Variants in ZFAND3 observed in about 807,000 individuals in gnomAD.
ZFAND3 encodes the protein zinc finger AN1-type containing 3.
ZFAND3 carries 10 observed loss-of-function variants against 29.6 expected under a neutral mutation model. The ratio of observed to expected loss-of-function variants is 0.34; its 90% CI spans 0.21 to 0.57. The LOEUF (loss-of-function observed/expected upper bound fraction) is 0.57, where lower values mean the gene tolerates loss of function less well. Among genes scored for constraint, ZFAND3 ranks in the 20% least tolerant of loss-of-function variants. The probability of loss-of-function intolerance (pLI) is 0.86; values close to 1 mark genes in which losing one functional copy is unlikely to be tolerated. For synonymous variants in ZFAND3, 128 were observed against 112.6 expected, an observed-to-expected ratio of 1.14 and a Z score of -0.87; for missense variants, 230 against 304.5, an observed-to-expected ratio of 0.76 and a Z score of 1.82.
Position 37,963,236 on chromosome 6 carries a change from A to G in ZFAND3, c.112+33237A>G, listed in dbSNP as rs918119871. Among the ~76,000 whole-genome samples the G allele has an allele frequency of 2.6e-5, 4 of 152,356 alleles. No homozygotes were observed. The East Asian group carries it at 7.7e-4, about 29-fold the overall frequency. On this transcript the variant is annotated intron_variant, in intron 2 of 5. Coordinates refer to ENST00000287218, the MANE Select transcript of ZFAND3 (RefSeq NM_021943.3). Reference sequence around the variant, plus strand: ...AAGTAGATTTAACCCAAAGAAGACTACTTAAAGGCATTTAATAATGAAGCT... The same window carrying G: ...AAGTAGATTTAACCCAAAGAAGACTGCTTAAAGGCATTTAATAATGAAGCT...
At chr6:37,972,224 T>C (rs773131441) in intron 2 of ZFAND3, among the ~76,000 whole-genome samples, 2 of 152,324 alleles carry the variant, frequency 1.3e-5, no homozygotes, top group African/African-American at 2.4e-5. Context: ...TTAAAGTGAC[T>C]GAGGCAGCAG....
intron 5 of ZFAND3, among the ~76,000 whole-genome samples, chr6:38,137,062 AC>A (rs1381574300): frequency 6.6e-6 from 1 of 152,246 alleles, no homozygotes; most frequent in Non-Finnish European, 1.5e-5. Context: ...TTGTGTGGTT[AC>A]ATTCAATTCT....
At chr6:37,868,194 A>T (rs1294000699) in intron 1 of ZFAND3, among the ~76,000 whole-genome samples, 1 of 152,232 alleles carries the variant, frequency 6.6e-6, no homozygotes. Context: ...AAATGATGAT[A>T]TGGTTTTTCT....
At chr6:38,118,608 G>A (rs1042883909) in intron 5 of ZFAND3, among the ~76,000 whole-genome samples, 4 of 150,072 alleles carry the variant, frequency 2.7e-5, no homozygotes, top group East Asian at 1.9e-4. Context: ...TCTTGTCCCC[G>A]GCAGTGGCTA....
At chr6:38,125,990 T>C (rs1377892328) in intron 5 of ZFAND3, among the ~76,000 whole-genome samples, 1 of 152,218 alleles carries the variant, frequency 6.6e-6, no homozygotes, top group Non-Finnish European at 1.5e-5. Flanking sequence ...TGAATGAGTT[T>C]TAGTAGATTT....
chr6:38,127,362 T>G (rs980624976), intron 5 of ZFAND3, among the ~76,000 whole-genome samples: 7 of 152,250 alleles, frequency 4.6e-5, no homozygotes. Flanking sequence ...AACAAAGCTG[T>G]GTTCTAAAGA....
chr6:38,092,414 C>G (rs935350754), intron 4 of ZFAND3, among the ~76,000 whole-genome samples: 5 of 152,128 alleles, frequency 3.3e-5, no homozygotes, highest in Non-Finnish European at 7.3e-5. Flanking sequence ...CCAGCTTTTG[C>G]GAGCAAGAGA....
At chr6:38,014,188 C>T (rs868463937) in intron 2 of ZFAND3, among the ~76,000 whole-genome samples, 3 of 151,878 alleles carry the variant, frequency 2.0e-5, no homozygotes, top group Non-Finnish European at 4.4e-5. Flanking sequence ...TAATATTAGT[C>T]GTGCAACTTT....
chr6:38,073,070 C>A (rs1764486242), intron 3 of ZFAND3, among the ~76,000 whole-genome samples: 1 of 152,164 alleles, frequency 6.6e-6, no homozygotes, highest in Non-Finnish European at 1.5e-5. Flanking sequence ...TGTCACTCAT[C>A]ATATTCCAGC....
At chr6:38,023,477 A>C (rs1355919174) in intron 2 of ZFAND3, among the ~76,000 whole-genome samples, 1 of 152,200 alleles carries the variant, frequency 6.6e-6, no homozygotes, top group African/African-American at 2.4e-5. Flanking sequence ...TAGCCATTCC[A>C]CAATGTGTAT....
At chr6:37,862,116 TTA>T (rs10566474) in intron 1 of ZFAND3, among the ~76,000 whole-genome samples, 19,799 of 152,148 alleles carry the variant, frequency 0.13, 2,097 homozygotes, top group African/African-American at 0.3. Context: ...GTTTACTTTT[TTA>T]TATGTTTACT....
chr6:37,872,054 C>T (rs1764703365), intron 1 of ZFAND3, among the ~76,000 whole-genome samples: 1 of 152,164 alleles, frequency 6.6e-6, no homozygotes, highest in South Asian at 2.1e-4. Context: ...CCATTTCTGG[C>T]TTTCTCCTTT....
intron 1 of ZFAND3, among the ~76,000 whole-genome samples, chr6:37,845,233 C>T (rs1764156719): frequency 6.6e-6 from 1 of 152,058 alleles, no homozygotes; most frequent in Non-Finnish European, 1.5e-5. Context: ...GTGTGACTGG[C>T]AAGTGGCAAT....
intron 2 of ZFAND3, among the ~76,000 whole-genome samples, chr6:37,961,202 G>A (rs1056384235): frequency 6.6e-6 from 1 of 152,210 alleles, no homozygotes; most frequent in African/African-American, 2.4e-5. Context: ...TCACTGCCAG[G>A]TGGTAGTTGG....
chr6:38,139,318 A>T (rs890665651), intron 5 of ZFAND3, among the ~76,000 whole-genome samples: 5 of 152,190 alleles, frequency 3.3e-5, no homozygotes, highest in Non-Finnish European at 5.9e-5. Flanking sequence ...GATAGAGGAT[A>T]TGTGATAAAT....
intron 2 of ZFAND3, among the ~76,000 whole-genome samples, chr6:38,060,359 A>G (rs1229236878): frequency 6.6e-6 from 1 of 150,998 alleles, no homozygotes; most frequent in African/African-American, 2.4e-5. Context: ...CTTTCTGTTC[A>G]TCCTCTCCTC....
Position 37,853,952 on chromosome 6 carries a change from A to AT in ZFAND3, c.71+33946dup, listed in dbSNP as rs961795338. ...AATAGGGCTTTTGCCTTTTTAAAAA[A>AT]TTTTTTTTTTATTTTTTAGATGGAG... On this transcript the variant is annotated intron_variant, in intron 1 of 5. Transcript: ENST00000287218. 1.5e-4 allele frequency among the ~76,000 whole-genome samples: 23 copies of AT among 151,138 alleles called. 1 individual carries two copies. The South Asian group carries it at 3.4e-3, about 22-fold the overall frequency.
chr6:38,088,338 C>A (rs1463489322), intron 4 of ZFAND3: 3 of 152,066 alleles, frequency 2.0e-5, no homozygotes, highest in Admixed American at 6.6e-5. Context: ...ATCTAAAAAT[C>A]AAAGCCGTTG....
At chr6:37,985,844 A>G (rs1270121640) in intron 2 of ZFAND3, among the ~76,000 whole-genome samples, 1 of 152,216 alleles carries the variant, frequency 6.6e-6, no homozygotes. Context: ...TGTTTGTCAA[A>G]TTGTGAAGCT....
Sources: gnomAD v4.1 joint callset for allele counts (sites outside exome capture counted in the v4.1 genomes callset) on GRCh38, gnomAD v4.1.1 for gene constraint, MANE v1.5 for transcripts, NCBI Gene and HGNC (gene_info 2026-07-23, HGNC 2026-07-21) for gene names.